KIAA1217: variants seen among roughly 807,000 people sequenced by gnomAD.
KIAA1217 encodes KIAA1217, also known as sickle tail protein homolog.
In KIAA1217, 88 loss-of-function variants were observed where a neutral mutation model predicts 163.9. The ratio of observed to expected loss-of-function variants is 0.54; its 90% CI spans 0.45 to 0.64. The LOEUF is 0.64. Among genes scored for constraint, KIAA1217 ranks in the 30% least tolerant of loss-of-function variants. KIAA1217 has a pLI of 0.00. For synonymous variants in KIAA1217, 903 were observed against 923.1 expected (o/e 0.98, Z 0.39); for missense variants, 2,372 against 2,475.0 (o/e 0.96, Z 0.88).
At chr10:23,755,610 C>T (rs769569004) in intron 1 of KIAA1217, among the ~76,000 whole-genome samples, 10 of 151,806 alleles carry the variant, frequency 6.6e-5, no homozygotes, top group Non-Finnish European at 1.3e-4. Flanking sequence ...CAAAAACAAA[C>T]GAGGAATGAA....
At chr10:24,200,743 G>A (rs372261529) in intron 2 of KIAA1217, among the ~76,000 whole-genome samples, 2 of 152,142 alleles carry the variant, frequency 1.3e-5, no homozygotes, top group African/African-American at 4.8e-5. Flanking sequence ...GAGCATCTGA[G>A]CTCTTCCAGC....
At chr10:24,057,111 A>G (rs1235728155) in intron 2 of KIAA1217, among the ~76,000 whole-genome samples, 1 of 151,958 alleles carries the variant, frequency 6.6e-6, no homozygotes, top group Admixed American at 6.6e-5. Flanking sequence ...GCTAAGCATC[A>G]TGGCACACAC....
intron 2 of KIAA1217, among the ~76,000 whole-genome samples, chr10:24,076,558 C>A (rs1018426093): frequency 6.6e-6 from 1 of 152,140 alleles, no homozygotes; most frequent in Admixed American, 6.5e-5. Flanking sequence ...TGCACAGATT[C>A]TCTCTTTCAA....
intron 3 of KIAA1217, among the ~76,000 whole-genome samples, chr10:24,388,399 A>T (rs1400399164): frequency 6.6e-6 from 1 of 152,238 alleles, no homozygotes; most frequent in Admixed American, 6.5e-5. Flanking sequence ...AGCTTATACA[A>T]AAATTAATTC....
chr10:24,146,397 A>G (rs1337916609), intron 2 of KIAA1217, among the ~76,000 whole-genome samples: 1 of 152,238 alleles, frequency 6.6e-6, no homozygotes, highest in Non-Finnish European at 1.5e-5. Flanking sequence ...AGAGCCATCA[A>G]TTTGATCTGC....
chr10:23,873,687 T>TCTG (rs1554815986), intron 1 of KIAA1217, among the ~76,000 whole-genome samples: 8 of 150,698 alleles, frequency 5.3e-5, no homozygotes, highest in African/African-American at 9.8e-5. Flanking sequence ...AAGTTGTCTG[T>TCTG]TTCTCTCTCT....
rs200231979 is a variant in KIAA1217 at position 23,996,559 on chromosome 10, G to GA, written c.-320-10658dup. On this transcript the variant is annotated intron_variant, in intron 1 of 18. Transcript: ENST00000376462. ...TAAATGTTCGCTGAAAGAATGTTGA[G>GA]AAAAAAAATCCACTGTTTCACTTGA... Among the ~76,000 whole-genome samples, 53 of 151,742 alleles carry GA rather than the reference G, an allele frequency of 3.5e-4. No individual in the cohort carries two copies. In the South Asian group the frequency reaches 9.3e-3, roughly 27 times the overall value.
intron 8 of KIAA1217, among the ~76,000 whole-genome samples, chr10:24,500,391 T>TGTGC (rs1554908174): frequency 1.6e-5 from 2 of 127,980 alleles, no homozygotes; most frequent in Non-Finnish European, 3.4e-5. Flanking sequence ...TCCAGAAGAG[T>TGTGC]GTGTGCGTGT....
At chr10:24,206,473 A>T (rs530930707), upstream of KIAA1217, among the ~76,000 whole-genome samples, 1 of 152,222 alleles carries the variant, frequency 6.6e-6, no homozygotes, top group African/African-American at 2.4e-5. Context: ...TTCCAGAGAC[A>T]CTGACAATCA....
At chr10:24,517,196 T>G (rs1240082476) in intron 10 of KIAA1217, among the ~76,000 whole-genome samples, 2 of 150,486 alleles carry the variant, frequency 1.3e-5, no homozygotes, top group African/African-American at 4.9e-5. Context: ...AAACTAAAAA[T>G]ATCTATATAC....
In KIAA1217 at chr10:23,864,509, TCAGTACACACACCAACACACA is replaced by T. The variant is rs1159145753; in HGVS notation, c.-320-142713_-320-142693del. On this transcript the variant is annotated intron_variant, in intron 1 of 18. Transcript: ENST00000376462. The stretch of plus-strand genomic sequence containing the variant: ...TAGATTTTTTCCATTCTCCTCTTCC[TCAGTACACACACCAACACACA>T]CACACACACACACACACACACATGA... Among the ~76,000 whole-genome samples the T allele has an allele frequency of 1.5e-4, 17 of 116,920 alleles. No individual in the cohort carries two copies. In the East Asian group the frequency reaches 4.2e-3, roughly 29 times the overall value. 76.7% of individuals were successfully genotyped at this position (116,920 alleles called of 152,430 possible).
At chr10:24,497,853 A>AT (rs1255903026) in intron 8 of KIAA1217, among the ~76,000 whole-genome samples, 2 of 151,960 alleles carry the variant, frequency 1.3e-5, no homozygotes, top group Admixed American at 1.3e-4. Flanking sequence ...GGGATGAGGG[A>AT]TAAAAAAAAC....
intron 9 of KIAA1217, among the ~76,000 whole-genome samples, chr10:24,511,121 C>T (rs1158151909): frequency 7.9e-6 from 1 of 126,490 alleles, no homozygotes; most frequent in Non-Finnish European, 1.6e-5. Flanking sequence ...CCACTGCACT[C>T]CACCCTGGGC....
At chr10:24,273,059 C>CTAGTTAATTTTT (rs2076922362) in intron 2 of KIAA1217, among the ~76,000 whole-genome samples, 2 of 152,158 alleles carry the variant, frequency 1.3e-5, no homozygotes, top group Non-Finnish European at 2.9e-5. Flanking sequence ...AAAATTAAAA[C>CTAGTTAATTTTT]TAGTTAATTT....
chr10:24,028,329 TA>T (rs1395629435), intron 2 of KIAA1217, among the ~76,000 whole-genome samples: 5 of 152,102 alleles, frequency 3.3e-5, no homozygotes, highest in Non-Finnish European at 7.4e-5. Flanking sequence ...CATTATAATA[TA>T]TTCATGCCAT....
intron 2 of KIAA1217, among the ~76,000 whole-genome samples, chr10:24,030,688 G>A (rs995832654): frequency 2.0e-5 from 3 of 152,104 alleles, no homozygotes; most frequent in Admixed American, 6.6e-5. Flanking sequence ...CTTCCCCAGT[G>A]CCTGATAGCC....
At chr10:24,138,380 T>C (rs7076993) in intron 2 of KIAA1217, among the ~76,000 whole-genome samples, 118,433 of 152,124 alleles carry the variant, frequency 0.78, 46,398 homozygotes, top group Middle Eastern at 0.87. Context: ...AACTCCTGGA[T>C]TCAGCAATCC....
chr10:24,380,937 A>G lies in KIAA1217; in HGVS notation c.423A>G (p.Ser141=). 1 of 1,609,012 alleles carries G rather than the reference A, an allele frequency of 6.2e-7. No homozygotes were observed. The highest frequency in any genetic ancestry group is 8.5e-7 in the Non-Finnish European group (1 of 1,177,208). The change falls in exon 3 of 21, where the codon TCA becomes TCG. Residue 141 remains serine (S), a synonymous_variant. Transcript: ENST00000376454. ...TGGGTGACCCGGTCGAGCATTTATC[A>G]GAGACGTCCGCTGATTCTTTGGAAG... is the stretch of plus-strand genomic sequence containing the variant. ...PSLGDPVEHL[S]ETSADSLEAM...
At chr10:24,211,945 G>A (rs1262800710) in intron 1 of KIAA1217, among the ~76,000 whole-genome samples, 1 of 152,046 alleles carries the variant, frequency 6.6e-6, no homozygotes, top group Non-Finnish European at 1.5e-5. Context: ...TTGGGAGGCT[G>A]AGGCAGGAGG....
Sources: allele counts gnomAD v4.1 joint callset (sites outside exome capture counted in the v4.1 genomes callset), GRCh38; gene constraint gnomAD v4.1.1; transcripts MANE v1.5; gene names NCBI Gene and HGNC (gene_info 2026-07-23, HGNC 2026-07-21).